Variants in CACNA1H observed in about 807,000 individuals in gnomAD.
CACNA1H encodes the protein voltage-dependent T-type calcium channel subunit alpha-1H.
In CACNA1H, 149 loss-of-function variants were observed where a neutral mutation model predicts 192.5. The ratio of observed to expected loss-of-function variants is 0.77; its 90% CI spans 0.68 to 0.89. CACNA1H has a LOEUF of 0.89. Among genes scored for constraint, CACNA1H ranks in the 40% least tolerant of loss-of-function variants. CACNA1H has a pLI of 0.00. For missense variants in CACNA1H, 4,257 were observed against 3,423.5 expected, an observed-to-expected ratio of 1.24 and a Z score of -6.08; for synonymous variants, 2,202 against 1,475.2, an observed-to-expected ratio of 1.49 and a Z score of -11.29.
rs1173893014 is a variant in CACNA1H at position 1,212,510 on chromosome 16, G to C, written c.4760-1G>C. ...CTCAGACCATCTCCTTGTCTTTCCA[G>C]GCACTTTCCCCAGCCCAGGTACCGG... On this transcript the variant is annotated splice_acceptor_variant, in intron 25 of 34. Transcript: ENST00000348261. LOFTEE classifies it high-confidence loss of function. 6.2e-7 allele frequency: 1 copy of C among 1,610,982 alleles called. No homozygotes were observed.
chr16:1,175,919 TCTG>T (rs1054282108), intron 2 of CACNA1H, among the ~76,000 whole-genome samples: 9 of 152,210 alleles, frequency 5.9e-5, no homozygotes, highest in Admixed American at 3.9e-4. Flanking sequence ...CAGTGCAGGC[TCTG>T]CAACAGCCTG....
Position 1,219,144 on chromosome 16 carries a change from T to C in CACNA1H, c.6048+14T>C, listed in dbSNP as rs781732538. The C allele has an allele frequency of 3.2e-5, 49 of 1,515,774 alleles. No homozygotes were observed. In the South Asian group the frequency reaches 4.8e-4, roughly 15 times the overall value. 93.9% of individuals were successfully genotyped at this position (1,515,774 alleles called of 1,614,324 possible). A position where few individuals can be genotyped will look rare whatever the true frequency, so the allele number is the denominator to read the frequency against. On this transcript the variant is annotated intron_variant, in intron 34 of 34. Transcript: ENST00000348261. ...CTCTGCAGACAGGTAGGAGAAGCCGTTGGCCTGCAGCAGAGGCTGGCGGGG... is the reference window on the plus strand; with the variant it reads ...CTCTGCAGACAGGTAGGAGAAGCCGCTGGCCTGCAGCAGAGGCTGGCGGGG...
At chr16:1,207,604 CGGGAGA>C (rs1384196039) in intron 14 of CACNA1H, among the ~76,000 whole-genome samples, 160 bp from the exon 15 acceptor site, 17 of 152,022 alleles carry the variant, frequency 1.1e-4, no homozygotes, top group Non-Finnish European at 1.9e-4. Flanking sequence ...AGGGGTCGGT[CGGGAGA>C]GGCAGATTCC....
chr16:1,206,288 A>T lies in CACNA1H; in HGVS notation c.2788A>T (p.Ser930Cys). The T allele has an allele frequency of 6.4e-7, 1 of 1,553,072 alleles. No homozygotes were observed. ...TLLMLFIFIF[S>C]ILGMHLFGCK... is the part of the protein sequence containing the mutation. ...GCTCATGCTCTTCATTTTCATCTTC[A>T]GGTGGGCGCAACCCCCCTCCCGGCC... Residue 930 changes from serine to cysteine, a missense_variant and splice_region_variant, in exon 12 of 35, where the codon AGC becomes TGC. Transcript: ENST00000348261.
At position 1,215,149 on chromosome 16, in the gene CACNA1H, G is replaced by A. The variant is rs67488980; in HGVS notation, c.5039+68G>A. On this transcript the variant is annotated intron_variant, in intron 28 of 34. Transcript: ENST00000348261. ...GGCTCTGGGGGCTGGGGGCAGGTGA[G>A]GCCGCAGGCTTTCCCACGGAGGTCT... The A allele has an allele frequency of 2.0e-4, 318 of 1,581,360 alleles. 1 individual carries two copies. The highest frequency in any genetic ancestry group is 2.6e-4 in the Non-Finnish European group (305 of 1,163,072).
intron 2 of CACNA1H, among the ~76,000 whole-genome samples, chr16:1,154,306 C>T (rs935195220): frequency 3.5e-4 from 54 of 152,196 alleles, no homozygotes; most frequent in African/African-American, 1.3e-3. Context: ...GTGAGGCCCC[C>T]GCGGGCTTGG....
At position 1,204,080 on chromosome 16, in the gene CACNA1H, C is replaced by T. The variant is rs543618186; in HGVS notation, c.2073C>T (p.Gly691=). The T allele has an allele frequency of 5.6e-6, 9 of 1,607,008 alleles. No homozygotes were observed. In the South Asian group the frequency reaches 1.0e-4, roughly 18 times the overall value. ...VPCPLPSPPA[G]TLTCELKSCP... Reference sequence around the variant, plus strand: ...GCCCCCTGCCCAGCCCCCCAGCGGGCACACTGACCTGTGAGCTGAAGAGCT... The same window carrying T: ...GCCCCCTGCCCAGCCCCCCAGCGGGTACACTGACCTGTGAGCTGAAGAGCT... Residue 691 remains glycine (G), a synonymous_variant, in exon 10 of 35, where the codon GGC becomes GGT. Transcript: ENST00000348261.
At chr16:1,184,649 G>C (rs1399911118) in intron 2 of CACNA1H, among the ~76,000 whole-genome samples, 1 of 152,250 alleles carries the variant, frequency 6.6e-6, no homozygotes, top group Admixed American at 6.5e-5. Flanking sequence ...TGGCCGGGTG[G>C]GTCTGGGGCA....
In CACNA1H at chr16:1,180,393, C is replaced by A. The variant is rs1268576308; in HGVS notation, c.300-14579C>A. Among the ~76,000 whole-genome samples, 1 of 152,190 alleles carries A rather than the reference C, an allele frequency of 6.6e-6. No individual in the cohort carries two copies. The highest frequency in any genetic ancestry group is 2.4e-5 in the African/African-American group (1 of 41,446). ...CAGGCTGGGTGAGGAGGGGGCACCC[C>A]AGGTGTCTGAACCCCAGGTCTGTGG... On this transcript the variant is annotated intron_variant, in intron 2 of 34. Transcript: ENST00000348261. This position sits in a 1 kb window ranked among gnomAD's most constrained non-coding sequence, Gnocchi z 4.4.
Position 1,163,401 on chromosome 16 carries a change from G to A in CACNA1H, c.299+9365G>A, listed in dbSNP as rs1273118024. ...GCTCCCGGGAGGGGGTGCTGGTCTG[G>A]CCTGGGAGTGTCCAGTGAGCTGCCG... On this transcript the variant is annotated intron_variant, in intron 2 of 34. Coordinates refer to ENST00000348261, the MANE Select transcript of CACNA1H (RefSeq NM_021098.3). 2.0e-5 allele frequency among the ~76,000 whole-genome samples: 3 copies of A among 152,246 alleles called. No homozygotes were observed. The South Asian group carries it at 6.2e-4, about 31-fold the overall frequency.
At chr16:1,217,618 C>A (rs750900007) in intron 31 of CACNA1H, among the ~76,000 whole-genome samples, 40 of 152,230 alleles carry the variant, frequency 2.6e-4, no homozygotes, top group Non-Finnish European at 4.4e-4. Context: ...GGTCAGCCGG[C>A]GCCTACTCAT....
intron 2 of CACNA1H, among the ~76,000 whole-genome samples, chr16:1,192,937 G>A (rs866612859): frequency 6.6e-6 from 1 of 151,952 alleles, no homozygotes; most frequent in African/African-American, 2.4e-5. Context: ...AAGGCGGTCC[G>A]AGGCACCCAC....
At chr16:1,199,002 G>GCGCA (rs1967364783) in intron 6 of CACNA1H, 1 of 449,124 alleles carries the variant, frequency 2.2e-6, no homozygotes, top group Non-Finnish European at 3.8e-6. Context: ...CTCCGCCCAC[G>GCGCA]GTGCAGTCGC....
chr16:1,207,462 G>A (rs768122850), intron 14 of CACNA1H, 32 bp downstream of exon 14: 3 of 1,604,614 alleles, frequency 1.9e-6, no homozygotes, highest in South Asian at 1.1e-5. Flanking sequence ...CTGCCAGGAG[G>A]AGGGCGATGA....
chr16:1,208,768 C>G (rs961912220), intron 16 of CACNA1H, among the ~76,000 whole-genome samples: 2 of 152,170 alleles, frequency 1.3e-5, no homozygotes, highest in African/African-American at 4.8e-5. Context: ...GCCACCCACA[C>G]TTTGTCTGGT....
In CACNA1H at chr16:1,219,103, C is replaced by T; in HGVS notation, c.6021C>T (p.Pro2007=). Residue 2007 remains proline, a synonymous_variant, in exon 34 of 35, where the codon CCC becomes CCT. Coordinates refer to ENST00000348261, the MANE Select transcript of CACNA1H (RefSeq NM_021098.3). ...ALSPRGTARS[P]SLSRLLCRQE... is the part of the protein sequence containing the mutation. ...CCCCTCGGGGCACAGCCCGCTCCCC[C>T]AGTCTCAGCCGGCTGCTCTGCAGAC... is the stretch of plus-strand genomic sequence containing the variant. 3 of 1,545,558 alleles carry T rather than the reference C, an allele frequency of 1.9e-6. No homozygotes were observed. The highest frequency in any genetic ancestry group is 2.6e-6 in the Non-Finnish European group (3 of 1,144,200).
At chr16:1,170,528 C>T (rs1226831236) in intron 2 of CACNA1H, among the ~76,000 whole-genome samples, 1 of 152,202 alleles carries the variant, frequency 6.6e-6, no homozygotes, top group Non-Finnish European at 1.5e-5. Flanking sequence ...GGCCTGCGGA[C>T]CCCCACAAGC....
rs554718345 is a variant in CACNA1H, at chr16:1,204,068, C to T, written c.2061C>T (p.Ser687=). The change falls in exon 10 of 35, where the codon AGC becomes AGT. Residue 687 remains serine, a synonymous_variant. Coordinates refer to ENST00000348261, the MANE Select transcript of CACNA1H (RefSeq NM_021098.3). ...SGLSVPCPLP[S]PPAGTLTCEL... is the part of the protein sequence containing the mutation. ...TCAGTGTGCCCTGCCCCCTGCCCAG[C>T]CCCCCAGCGGGCACACTGACCTGTG... 1.2e-5 allele frequency: 20 copies of T among 1,600,958 alleles called. No individual in the cohort carries two copies. The South Asian group carries it at 2.0e-4, about 16-fold the overall frequency.
In CACNA1H at chr16:1,204,182, T is replaced by C; in HGVS notation, c.2175T>C (p.Arg725=). The change falls in exon 10 of 35, where the codon CGT becomes CGC. Residue 725 remains arginine (R), a synonymous_variant. Transcript: ENST00000348261. ...CGGAAAGTGGAGACTCAGATGGCCG[T>C]GGCGTCTATGAATTCACGCAGGACG... The part of the protein sequence containing the change: ...SGSESGDSDG[R]GVYEFTQDVR... 1 of 1,612,308 alleles carries C rather than the reference T, an allele frequency of 6.2e-7. No individual in the cohort carries two copies. Among genetic ancestry groups the C allele is most frequent in the Non-Finnish European group, 8.5e-7 (1 of 1,179,702 alleles).
Sources: gnomAD v4.1 joint callset for allele counts (sites outside exome capture counted in the v4.1 genomes callset) on GRCh38, gnomAD v4.1.1 for gene constraint, Gnocchi (gnomAD v3.1) non-coding constraint, MANE v1.5 for transcripts, NCBI Gene and HGNC (gene_info 2026-07-23, HGNC 2026-07-21) for gene names.